The following KDM4D variants were observed in gnomAD, a reference collection of about 807,000 sequenced individuals.
KDM4D encodes lysine demethylase 4D.
For missense variants in KDM4D, 427 were observed against 674.8 expected (o/e 0.63, Z 4.07); for synonymous variants, 254 against 249.1 (o/e 1.02, Z -0.19).
chr11:94,983,736 C>T (rs781879823), intron 2 of KDM4D, among the ~76,000 whole-genome samples: 2 of 152,034 alleles, frequency 1.3e-5, no homozygotes, highest in African/African-American at 4.8e-5. Flanking sequence ...ACAACAACAA[C>T]AACAACTACA....
Position 94,997,612 on chromosome 11 carries a change from T to G in KDM4D, c.240T>G (p.Ser80=). Residue 80 remains serine, a synonymous_variant, in exon 3 of 3, where the codon TCT becomes TCG. Transcript: ENST00000335080. ...LIATPLQQVA[S]GRAGVFTQYH... ...CCACTCCCCTCCAGCAGGTGGCCTCTGGGCGGGCAGGGGTGTTTACTCAAT... is the reference window on the plus strand; with the variant it reads ...CCACTCCCCTCCAGCAGGTGGCCTCGGGGCGGGCAGGGGTGTTTACTCAAT... 1 of 1,613,756 alleles carries G rather than the reference T, an allele frequency of 6.2e-7. No individual in the cohort carries two copies. Among genetic ancestry groups the G allele is most frequent in the Non-Finnish European group, 8.5e-7 (1 of 1,179,900 alleles).
At chr11:94,992,838 A>G in intron 2 of KDM4D, among the ~76,000 whole-genome samples, 1 of 152,224 alleles carries the variant, frequency 6.6e-6, no homozygotes, top group East Asian at 1.9e-4. Flanking sequence ...TACACAGAGT[A>G]GAATTTTTTC....
chr11:94,984,103 ATGTG>A (rs1252140002), intron 2 of KDM4D, among the ~76,000 whole-genome samples: 6 of 152,178 alleles, frequency 3.9e-5, no homozygotes, highest in African/African-American at 1.4e-4. Flanking sequence ...TAGTGTATGT[ATGTG>A]TATGTATGTA....
rs907740048 is a variant in KDM4D at position 94,978,653 on chromosome 11, G to A, written c.-350+2905G>A. On this transcript the variant is annotated intron_variant, in intron 2 of 2. Transcript: ENST00000335080. ...ATAAATACCTCACCAGCTGACCAGT[G>A]TACTACTGCGAAGACAATTAAAATC... is the stretch of plus-strand genomic sequence containing the variant. 2.0e-5 allele frequency among the ~76,000 whole-genome samples: 3 copies of A among 152,240 alleles called. No individual in the cohort carries two copies. The East Asian group carries it at 5.8e-4, about 29-fold the overall frequency.
intron 2 of KDM4D, among the ~76,000 whole-genome samples, chr11:94,992,656 A>T (rs1352829098): frequency 1.3e-5 from 2 of 152,160 alleles, no homozygotes; most frequent in African/African-American, 4.8e-5. Flanking sequence ...AATTTCATTT[A>T]TAAGTATCTA....
chr11:94,989,192 G>A (rs1462348991), intron 2 of KDM4D, among the ~76,000 whole-genome samples: 2 of 152,100 alleles, frequency 1.3e-5, no homozygotes, highest in Non-Finnish European at 2.9e-5. Context: ...AAGCCAAAGG[G>A]GATTTTTTTA....
rs782388661 is a variant in KDM4D at position 94,998,518 on chromosome 11, C to G, written c.1146C>G (p.Ala382=). ...TGAGACAACTCCCTTCCCACTGGGCCCGGCATTCCCCTTGGCCTATGGCTG... is the reference window on the plus strand; with the variant it reads ...TGAGACAACTCCCTTCCCACTGGGCGCGGCATTCCCCTTGGCCTATGGCTG... ...LGLRQLPSHW[A]RHSPWPMAAR... The change falls in exon 3 of 3, where the codon GCC becomes GCG. Residue 382 remains alanine, a synonymous_variant. Coordinates refer to ENST00000335080, the MANE Select transcript of KDM4D (RefSeq NM_018039.3). The surrounding 1 kb of genome is among the most constrained non-coding windows in gnomAD (Gnocchi z 6.7). The G allele has an allele frequency of 4.3e-6, 7 of 1,612,544 alleles. No homozygotes were observed. The highest frequency in any genetic ancestry group is 5.9e-6 in the Non-Finnish European group (7 of 1,180,004).
chr11:94,993,679 G>A (rs1264728750), intron 2 of KDM4D, among the ~76,000 whole-genome samples: 2 of 151,976 alleles, frequency 1.3e-5, no homozygotes, highest in Non-Finnish European at 2.9e-5. Context: ...GATACAAAGT[G>A]CTCAACCCAA....
In KDM4D at chr11:94,997,861, G is replaced by A. The variant is rs1026156421; in HGVS notation, c.489G>A (p.Leu163=). The change falls in exon 3 of 3, where the codon CTG becomes CTA. Residue 163 remains leucine (L), a synonymous_variant. Transcript: ENST00000335080. ...NLGHLGTIQD[L]LEKECGVVIE... ...GGCACCTGGGAACAATTCAGGACCT[G>A]CTGGAAAAGGAATGTGGGGTTGTCA... 6.2e-7 allele frequency: 1 copy of A among 1,614,218 alleles called. No individual in the cohort carries two copies. The highest frequency in any genetic ancestry group is 1.7e-5 in the Admixed American group (1 of 60,032).
intron 2 of KDM4D, among the ~76,000 whole-genome samples, chr11:94,987,289 T>C (rs1036046507): frequency 2.0e-5 from 3 of 152,230 alleles, no homozygotes; most frequent in Non-Finnish European, 4.4e-5. Context: ...CACTTAAAAT[T>C]GATGAATTTT....
Position 94,998,719 on chromosome 11 carries a change from C to G in KDM4D, c.1347C>G (p.Gly449=). 1 of 1,614,156 alleles carries G rather than the reference C, an allele frequency of 6.2e-7. No individual in the cohort carries two copies. Among genetic ancestry groups the G allele is most frequent in the Non-Finnish European group, 8.5e-7 (1 of 1,180,010 alleles). ...PSAQIIHPSN[G]RRGRGRPPQK... ...CACAGATTATCCACCCGTCAAATGG[C>G]AGACGTGGTCGTGGTCGCCCTCCTC... The change falls in exon 3 of 3, where the codon GGC becomes GGG. Residue 449 remains glycine, a synonymous_variant. Coordinates refer to ENST00000335080, the MANE Select transcript of KDM4D (RefSeq NM_018039.3). This position sits in a 1 kb window ranked among gnomAD's most constrained non-coding sequence, Gnocchi z 6.7.
chr11:94,992,075 G>T (rs1013720166), intron 2 of KDM4D, among the ~76,000 whole-genome samples: 4 of 151,736 alleles, frequency 2.6e-5, no homozygotes, highest in Non-Finnish European at 5.9e-5. Context: ...ATTAAAATCA[G>T]AATTAAAGGT....
intron 2 of KDM4D, among the ~76,000 whole-genome samples, chr11:94,977,218 A>G (rs1857804625): frequency 6.6e-6 from 1 of 152,260 alleles, no homozygotes; most frequent in Non-Finnish European, 1.5e-5. Context: ...ATCACATTAC[A>G]GCATCCGATT....
In KDM4D at chr11:94,997,864, G is replaced by A; in HGVS notation, c.492G>A (p.Leu164=). 6.2e-7 allele frequency: 1 copy of A among 1,614,218 alleles called. No homozygotes were observed. The highest frequency in any genetic ancestry group is 1.1e-5 in the South Asian group (1 of 91,080). Residue 164 remains leucine (L), a synonymous_variant, in exon 3 of 3, where the codon CTG becomes CTA. Transcript: ENST00000335080. The part of the protein sequence containing the change: ...LGHLGTIQDL[L]EKECGVVIEG... ...ACCTGGGAACAATTCAGGACCTGCT[G>A]GAAAAGGAATGTGGGGTTGTCATAG...
Position 94,998,115 on chromosome 11 carries a change from T to A in KDM4D, c.743T>A (p.Leu248His). 1 of 1,614,126 alleles carries A rather than the reference T, an allele frequency of 6.2e-7. No homozygotes were observed. Among genetic ancestry groups the A allele is most frequent in the Non-Finnish European group, 8.5e-7 (1 of 1,180,042 alleles). Residue 248 changes from leucine to histidine, a missense_variant, in exon 3 of 3, where the codon CTC becomes CAC. Transcript: ENST00000335080. The surrounding 1 kb of genome is among the most constrained non-coding windows in gnomAD (Gnocchi z 6.7). ...GCCTTCCTGCGGCACAAGGTGGCCC[T>A]CATCTCGCCTACAGTTCTCAAGGAA... ...CGAFLRHKVA[L>H]ISPTVLKENG...
At chr11:94,979,445 G>T (rs186050488) in intron 2 of KDM4D, among the ~76,000 whole-genome samples, 1,712 of 152,210 alleles carry the variant, frequency 0.011, 31 homozygotes, top group African/African-American at 0.039. Flanking sequence ...GGCCAGGCTG[G>T]CCTCGAACTC....
chr11:94,986,057 T>C (rs1555098088), intron 2 of KDM4D, among the ~76,000 whole-genome samples: 2 of 152,138 alleles, frequency 1.3e-5, no homozygotes, highest in African/African-American at 4.8e-5. Context: ...ACGGGCTTCA[T>C]CAAAATTCAA....
chr11:94,991,048 A>T lies in KDM4D; in HGVS notation c.-349-5976A>T, dbSNP rs587726723. 5.9e-5 allele frequency among the ~76,000 whole-genome samples: 9 copies of T among 152,372 alleles called. No individual in the cohort carries two copies. In the South Asian group the frequency reaches 1.2e-3, roughly 21 times the overall value. On this transcript the variant is annotated intron_variant, in intron 2 of 2. Transcript: ENST00000335080. ...AAAATAAGTTGATAAAGTGAACTGT[A>T]CAAGTAGGGTACTTTTAGAAATGTG...
chr11:94,995,638 C>G (rs1857969575), intron 2 of KDM4D, among the ~76,000 whole-genome samples: 1 of 152,214 alleles, frequency 6.6e-6, no homozygotes, highest in Non-Finnish European at 1.5e-5. Context: ...AAAATAGGCA[C>G]TCAGTTAAAA....
Sources: allele counts gnomAD v4.1 joint callset (sites outside exome capture counted in the v4.1 genomes callset), GRCh38; gene constraint gnomAD v4.1.1; non-coding constraint Gnocchi (gnomAD v3.1); transcripts MANE v1.5; gene names NCBI Gene and HGNC (gene_info 2026-07-23, HGNC 2026-07-21).